Variants in GALNT13 observed in about 807,000 individuals in gnomAD.
GALNT13 encodes the protein polypeptide N-acetylgalactosaminyltransferase 13, also known as UDP-GalNAc:polypeptide N-acetylgalactosaminyltransferase 13.
Under a neutral mutation model 64.2 loss-of-function variants are expected in GALNT13, and 28 were observed. The observed-to-expected ratio is 0.44, with a 90% CI of 0.32 to 0.60. The LOEUF is 0.60. Ranked by LOEUF, GALNT13 falls within the 20% of genes least tolerant of loss-of-function variation. The pLI, the probability that GALNT13 is intolerant of heterozygous loss-of-function variation, is 0.05. For synonymous variants in GALNT13, 214 were observed against 224.6 expected (o/e 0.95, Z 0.42); for missense variants, 577 against 669.8 (o/e 0.86, Z 1.53).
At chr2:153,614,714 G>A in the GALNT13 span, among the ~76,000 whole-genome samples, 1 of 152,024 alleles carries the variant, frequency 6.6e-6, no homozygotes, top group African/African-American at 2.4e-5. Context: ...GAGACACACT[G>A]ATTTTGGTTT....
the GALNT13 span, among the ~76,000 whole-genome samples, chr2:153,663,615 C>T: frequency 1.3e-5 from 2 of 152,120 alleles, no homozygotes; most frequent in Non-Finnish European, 2.9e-5. Flanking sequence ...AGAATATCCC[C>T]ACTCCCAAAG....
chr2:154,132,825 G>A (rs1417059296), intron 3 of GALNT13, among the ~76,000 whole-genome samples: 2 of 150,632 alleles, frequency 1.3e-5, no homozygotes, highest in Admixed American at 1.3e-4. Flanking sequence ...AACCAGGGAG[G>A]CAGAGCTTGC....
At chr2:154,277,776 TACA>T (rs1691731212) in intron 8 of GALNT13, among the ~76,000 whole-genome samples, 1 of 152,192 alleles carries the variant, frequency 6.6e-6, no homozygotes, top group Non-Finnish European at 1.5e-5. Flanking sequence ...AAACAATATT[TACA>T]ACATTTTCAA....
At chr2:154,079,409 T>C (rs1288381631) in intron 3 of GALNT13, among the ~76,000 whole-genome samples, 1 of 151,650 alleles carries the variant, frequency 6.6e-6, no homozygotes, top group African/African-American at 2.4e-5. Context: ...GAGCCTTTCC[T>C]TTTTCTGACT....
chr2:153,079,121 T>A, the GALNT13 span, among the ~76,000 whole-genome samples: 3 of 152,148 alleles, frequency 2.0e-5, no homozygotes, highest in Non-Finnish European at 4.4e-5. Context: ...TGAGTATGTT[T>A]GTCATACTCA....
the GALNT13 span, among the ~76,000 whole-genome samples, chr2:153,469,907 T>TG: frequency 0.041 from 6,267 of 152,152 alleles, 427 homozygotes; most frequent in African/African-American, 0.14. Context: ...CTGATCCAAA[T>TG]GCCCAGGTGC....
At chr2:153,499,909 T>A in the GALNT13 span, among the ~76,000 whole-genome samples, 26 of 152,042 alleles carry the variant, frequency 1.7e-4, no homozygotes, top group African/African-American at 5.6e-4. Context: ...CAGCTGCAGC[T>A]GAACCCAGGA....
chr2:153,526,645 A>G, the GALNT13 span, among the ~76,000 whole-genome samples: 9 of 152,308 alleles, frequency 5.9e-5, no homozygotes, highest in African/African-American at 2.2e-4. Context: ...CCAGACACAG[A>G]CAAATATGTA....
At chr2:154,201,371 A>G (rs946916736) in intron 4 of GALNT13, among the ~76,000 whole-genome samples, 1 of 152,120 alleles carries the variant, frequency 6.6e-6, no homozygotes, top group Non-Finnish European at 1.5e-5. Flanking sequence ...CAGAAATTCA[A>G]TTTAGGGAGA....
At chr2:153,770,179 C>A in the GALNT13 span, among the ~76,000 whole-genome samples, 2 of 145,600 alleles carry the variant, frequency 1.4e-5, no homozygotes, top group Admixed American at 1.4e-4. Context: ...CGCCCCCCCA[C>A]ACCCCGGCTT....
At position 153,981,892 on chromosome 2, in the gene GALNT13, T is replaced by G. The variant is rs1694490921; in HGVS notation, c.142+37253T>G. Among the ~76,000 whole-genome samples the G allele has an allele frequency of 4.6e-5, 7 of 152,130 alleles. No homozygotes were observed. In the South Asian group the frequency reaches 1.4e-3, roughly 31 times the overall value. ...TGTATATTTTTCTTGCTAGTTATTT[T>G]TTTCTCCATTATTATTATTAATTTA... is the stretch of plus-strand genomic sequence containing the variant. On this transcript the variant is annotated intron_variant, in intron 3 of 12. Coordinates refer to ENST00000392825, the MANE Select transcript of GALNT13 (RefSeq NM_052917.4).
chr2:154,142,721 G>A (rs1336430112), intron 4 of GALNT13, among the ~76,000 whole-genome samples: 2 of 151,680 alleles, frequency 1.3e-5, no homozygotes. Context: ...ATTACATATT[G>A]TGGACATTTT....
chr2:153,431,337 TCA>T, the GALNT13 span, among the ~76,000 whole-genome samples: 1 of 152,126 alleles, frequency 6.6e-6, no homozygotes, highest in Non-Finnish European at 1.5e-5. Context: ...GCTTTGAAAC[TCA>T]GTGTGATAGA....
chr2:154,297,267 AC>A (rs1692981501), intron 8 of GALNT13, among the ~76,000 whole-genome samples: 1 of 152,164 alleles, frequency 6.6e-6, no homozygotes, highest in African/African-American at 2.4e-5. Flanking sequence ...AAGCAGCAAG[AC>A]AATTAAGAGT....
At chr2:154,274,328 TTTAAGGGTATATGTAG>T in intron 8 of GALNT13, among the ~76,000 whole-genome samples, 1 of 152,178 alleles carries the variant, frequency 6.6e-6, no homozygotes, top group South Asian at 2.1e-4. Context: ...AAATAAAAAA[TTTAAGGGTATATGTAG>T]TCTTGTGAAA....
chr2:154,283,536 C>G (rs1360966079), intron 8 of GALNT13, among the ~76,000 whole-genome samples: 1 of 150,326 alleles, frequency 6.7e-6, no homozygotes, highest in African/African-American at 2.5e-5. Context: ...CGAGATCGCA[C>G]CACTGCACTC....
At chr2:154,292,609 T>A (rs1254711282) in intron 8 of GALNT13, among the ~76,000 whole-genome samples, 1 of 152,216 alleles carries the variant, frequency 6.6e-6, no homozygotes, top group African/African-American at 2.4e-5. Context: ...GCTAGTAAGT[T>A]GCAGAGCTAG....
chr2:153,695,530 C>T, the GALNT13 span, among the ~76,000 whole-genome samples: 2 of 151,980 alleles, frequency 1.3e-5, no homozygotes, highest in African/African-American at 4.8e-5. Flanking sequence ...GCATGATCAG[C>T]GGAATTGATG....
the GALNT13 span, among the ~76,000 whole-genome samples, chr2:153,082,573 T>TTTTATATATATA: frequency 4.9e-5 from 2 of 40,558 alleles, no homozygotes; most frequent in Non-Finnish European, 8.1e-5. Context: ...TTAGGCTGGT[T>TTTTATATATATA]TATATATATA....
Sources: allele counts gnomAD v4.1 joint callset (sites outside exome capture counted in the v4.1 genomes callset), GRCh38; gene constraint gnomAD v4.1.1; transcripts MANE v1.5; gene names NCBI Gene and HGNC (gene_info 2026-07-23, HGNC 2026-07-21).